Variants in USP33 observed in about 807,000 individuals in gnomAD.
USP33 encodes ubiquitin carboxyl-terminal hydrolase 33.
In USP33, 46 loss-of-function variants were observed where a neutral mutation model predicts 124.2. The observed-to-expected ratio is 0.37, with a 90% CI of 0.29 to 0.47. USP33 has a LOEUF of 0.47. USP33 is among the 20% of genes least tolerant of loss of function. USP33 has a pLI of 0.99. For missense variants in USP33, 851 were observed against 1,070.6 expected (o/e 0.79, Z 2.86); for synonymous variants, 350 against 352.3 (o/e 0.99, Z 0.07).
At chr1:77,708,509 C>A (rs890449848) in intron 21 of USP33, among the ~76,000 whole-genome samples, 3 of 152,172 alleles carry the variant, frequency 2.0e-5, no homozygotes, top group African/African-American at 7.2e-5. Context: ...CTGATAGTAG[C>A]AGTAGCTTCT....
intron 1 of USP33, among the ~76,000 whole-genome samples, chr1:77,757,643 T>C (rs1007390154): frequency 1.3e-5 from 2 of 152,270 alleles, no homozygotes; most frequent in Non-Finnish European, 2.9e-5. Flanking sequence ...TTCAGCATTT[T>C]ATGTACTTCA....
chr1:77,715,220 T>A (rs1427725420), intron 18 of USP33, among the ~76,000 whole-genome samples: 1 of 152,200 alleles, frequency 6.6e-6, no homozygotes, highest in Admixed American at 6.5e-5. Flanking sequence ...TTTTTCTTTT[T>A]TTTTCAGATG....
intron 21 of USP33, among the ~76,000 whole-genome samples, chr1:77,706,118 T>C (rs1231264895): frequency 6.6e-6 from 1 of 152,228 alleles, no homozygotes; most frequent in Non-Finnish European, 1.5e-5. Flanking sequence ...CCATAAACAT[T>C]TGTTTACATG....
At chr1:77,737,628 G>A (rs982340091) in intron 5 of USP33, among the ~76,000 whole-genome samples, 3 of 152,150 alleles carry the variant, frequency 2.0e-5, no homozygotes, top group Non-Finnish European at 4.4e-5. Context: ...GGATCATAAG[G>A]AAGTTGAATG....
chr1:77,745,604 T>C (rs1257557444), intron 1 of USP33: 1 of 152,074 alleles, frequency 6.6e-6, no homozygotes, highest in African/African-American at 2.4e-5. Context: ...GGAGCTCTTG[T>C]AAACAAAATT....
rs1394922681 is a variant in USP33 at position 77,729,991 on chromosome 1, T to C, written c.639-53A>G. On this transcript the variant is annotated intron_variant, in intron 8 of 23. Transcript: ENST00000370794. ...AATTTTTGTTATTTTTAATTTTCAT[T>C]TTAAAAATTAACTACCAATAATTCA... 4 of 1,475,006 alleles carry C rather than the reference T, an allele frequency of 2.7e-6. No homozygotes were observed. In the African/African-American group the frequency reaches 4.3e-5, roughly 16 times the overall value. 91.4% of individuals were successfully genotyped at this position (1,475,006 alleles called of 1,614,324 possible). A position where few individuals can be genotyped will look rare whatever the true frequency, so the allele number is the denominator to read the frequency against.
At chr1:77,720,728 G>T in intron 15 of USP33, 1 of 532,648 alleles carries the variant, frequency 1.9e-6, no homozygotes, top group Non-Finnish European at 2.4e-6. Context: ...GAAAAAGGCA[G>T]CTGGTAGTAG....
chr1:77,726,202 G>A (rs1677141994), intron 10 of USP33, among the ~76,000 whole-genome samples: 2 of 152,114 alleles, frequency 1.3e-5, no homozygotes, highest in Admixed American at 6.5e-5. Context: ...CACCCACTTT[G>A]GCCTCCCAAA....
intron 17 of USP33, 76 bp downstream of exon 17, chr1:77,717,791 G>T (rs1676094437): frequency 7.4e-7 from 1 of 1,346,644 alleles, no homozygotes; most frequent in African/African-American, 1.5e-5. Context: ...TGGTATTACA[G>T]GTATGAGCCA....
chr1:77,704,603 A>C (rs978816725), intron 21 of USP33, among the ~76,000 whole-genome samples: 1 of 151,250 alleles, frequency 6.6e-6, no homozygotes, highest in Non-Finnish European at 1.5e-5. Context: ...GTTCTCTTTT[A>C]AAAAATACAT....
At chr1:77,717,331 T>C (rs781292026) in intron 17 of USP33, among the ~76,000 whole-genome samples, 2 of 151,824 alleles carry the variant, frequency 1.3e-5, no homozygotes, top group South Asian at 2.1e-4. Flanking sequence ...CCACTAAAAA[T>C]ACAAAAAAAT....
chr1:77,718,671 T>C (rs1455234106), intron 15 of USP33, 30 bp from the exon 16 acceptor site: 2 of 1,554,478 alleles, frequency 1.3e-6, no homozygotes, highest in Non-Finnish European at 1.8e-6. Context: ...AATCAATTAG[T>C]CTACAAAAAA....
chr1:77,745,831 A>G (rs1679686325), intron 1 of USP33, among the ~76,000 whole-genome samples: 1 of 152,228 alleles, frequency 6.6e-6, no homozygotes, highest in Non-Finnish European at 1.5e-5. Context: ...CTTTGAAACC[A>G]ATGAGAACAA....
chr1:77,699,951 C>A (rs1449361639), intron 22 of USP33, among the ~76,000 whole-genome samples: 1 of 152,034 alleles, frequency 6.6e-6, no homozygotes. Flanking sequence ...AACAGAAAAC[C>A]AAACACTGCA....
chr1:77,717,255 C>T (rs1042195170), intron 17 of USP33, among the ~76,000 whole-genome samples: 6 of 152,034 alleles, frequency 3.9e-5, no homozygotes, highest in Non-Finnish European at 7.4e-5. Context: ...TTCGGGAGGC[C>T]GAGGCGGGCA....
chr1:77,718,118 T>TA, intron 16 of USP33, 71 bp from the exon 17 acceptor site: 1 of 1,307,756 alleles, frequency 7.6e-7, no homozygotes, highest in Non-Finnish European at 1.0e-6. Context: ...AGGTAAAACT[T>TA]AGTAACATTT....
rs182750880 is a variant in USP33 at position 77,713,187 on chromosome 1, T to G, written c.2297+13A>C. 1.9e-6 allele frequency: 3 copies of G among 1,597,960 alleles called. No homozygotes were observed. The Admixed American group carries it at 5.4e-5, about 29-fold the overall frequency. On this transcript the variant is annotated intron_variant, in intron 20 of 23. Coordinates refer to ENST00000370794, the MANE Select transcript of USP33 (RefSeq NM_201624.3). ...CTTTCACAACACTGTATGGTCTGAT[T>G]TAAAAAACAAACCTGCTATATAGGT...
At chr1:77,750,174 C>G (rs1429504826) in intron 1 of USP33, among the ~76,000 whole-genome samples, 2 of 151,896 alleles carry the variant, frequency 1.3e-5, no homozygotes. Context: ...AAAAATTAGC[C>G]GTGCATAGTG....
chr1:77,716,822 G>A (rs1229136203), intron 17 of USP33, among the ~76,000 whole-genome samples: 2 of 151,810 alleles, frequency 1.3e-5, no homozygotes, highest in Non-Finnish European at 2.9e-5. Context: ...CAGCCTGACT[G>A]CGCCCCCACA....
Sources: gnomAD v4.1 joint callset for allele counts (sites outside exome capture counted in the v4.1 genomes callset) on GRCh38, gnomAD v4.1.1 for gene constraint, MANE v1.5 for transcripts, NCBI Gene and HGNC (gene_info 2026-07-23, HGNC 2026-07-21) for gene names.